Variants in SI observed in about 807,000 individuals in gnomAD.
SI encodes sucrase-isomaltase.
SI carries 235 observed loss-of-function variants against 253.3 expected under a neutral mutation model. That is an observed-to-expected ratio of 0.93 (90% CI 0.83 to 1.03). SI has a LOEUF of 1.03. SI is among the 50% of genes least tolerant of loss of function. The probability of loss-of-function intolerance (pLI) is 0.00; values close to 1 mark genes in which losing one functional copy is unlikely to be tolerated. For synonymous variants in SI, 819 were observed against 712.0 expected, an observed-to-expected ratio of 1.15 and a Z score of -2.39; for missense variants, 2,442 against 2,211.1, an observed-to-expected ratio of 1.10 and a Z score of -2.09.
In SI at chr3:165,062,487, CA is replaced by C; in HGVS notation, c.908-5del. The C allele has an allele frequency of 6.8e-7, 1 of 1,468,930 alleles. No homozygotes were observed. Among genetic ancestry groups the C allele is most frequent in the African/African-American group, 1.4e-5 (1 of 71,976 alleles). The allele number at this position is 1,468,930 out of a possible 1,614,324, so 91.0% of individuals were successfully genotyped here. A position where few individuals can be genotyped will look rare whatever the true frequency, so the allele number is the denominator to read the frequency against. The stretch of plus-strand genomic sequence containing the variant: ...GGAGTAGGCTGGATAAAAATCTCTG[CA>C]AAATAAAATTGGTAAACTTATATGT... On this transcript the variant is annotated splice_region_variant and splice_polypyrimidine_tract_variant and intron_variant, in intron 8 of 47. Transcript: ENST00000264382.
rs773304452 is a variant in SI, at chr3:165,065,322, A to G, written c.746T>C (p.Phe249Ser). ...YGIGEQVHKRFRHDLSWKTWP... is the reference protein window; with the variant it reads ...YGIGEQVHKRSRHDLSWKTWP... ...TGTTTTCCAGGATAAATCATGACGA[A>G]ATCTCTTATGAACTTGTTCTCCAAT... The change falls in exon 7 of 48, where the codon TTT becomes TCT. Residue 249 changes from phenylalanine to serine, a missense_variant. Phe to Ser is a radical substitution (Grantham distance 155). Coordinates refer to ENST00000264382, the MANE Select transcript of SI (RefSeq NM_001041.4). 6.2e-7 allele frequency: 1 copy of G among 1,608,238 alleles called. No homozygotes were observed. The highest frequency in any genetic ancestry group is 1.1e-5 in the South Asian group (1 of 90,838).
chr3:165,089,087 CTT>C, the SI span, among the ~76,000 whole-genome samples: 1 of 46,344 alleles, frequency 2.2e-5, no homozygotes, highest in Non-Finnish European at 4.6e-5. Flanking sequence ...TTTCTTTTTT[CTT>C]TTTTTTTTAA....
At position 165,017,689 on chromosome 3, in the gene SI, A is replaced by T; in HGVS notation, c.3634-16T>A. 1 of 1,611,662 alleles carries T rather than the reference A, an allele frequency of 6.2e-7. No individual in the cohort carries two copies. The highest frequency in any genetic ancestry group is 8.5e-7 in the Non-Finnish European group (1 of 1,178,270). On this transcript the variant is annotated splice_polypyrimidine_tract_variant and intron_variant, in intron 30 of 47. Transcript: ENST00000264382. ...GGCCAATTACCTTTAAAAAAAATTC[A>T]TGTGTGAACTAAGAGAATTACTTTA...
intron 6 of SI, 109 bp downstream of exon 6, chr3:165,067,231 A>G (rs1386564689): frequency 1.2e-6 from 1 of 810,780 alleles, no homozygotes; most frequent in African/African-American, 1.7e-5. Flanking sequence ...CTATCCACCT[A>G]CCCTCTTTTG....
intron 2 of SI, 26 bp downstream of exon 2, chr3:165,075,869 A>C: frequency 7.7e-7 from 1 of 1,295,696 alleles, no homozygotes; most frequent in Non-Finnish European, 1.1e-6. Context: ...ACGATAATGT[A>C]GCCATGCTTT....
intron 24 of SI, among the ~76,000 whole-genome samples, chr3:165,031,708 A>G: frequency 6.6e-6 from 1 of 150,864 alleles, no homozygotes; most frequent in Non-Finnish European, 1.5e-5. Flanking sequence ...ATTTATGGTA[A>G]TATTACTAAT....
intron 24 of SI, among the ~76,000 whole-genome samples, chr3:165,031,508 C>T (rs539153609): frequency 2.0e-5 from 3 of 149,648 alleles, no homozygotes; most frequent in Non-Finnish European, 4.5e-5. Context: ...GCTTGTATTA[C>T]TTAATTTATA....
intron 38 of SI, among the ~76,000 whole-genome samples, chr3:164,998,309 A>G (rs764262138): frequency 5.9e-5 from 9 of 151,776 alleles, no homozygotes; most frequent in Admixed American, 2.0e-4. Context: ...ACTCAGGCCA[A>G]TAACAATGAC....
At chr3:165,058,887 C>CACACAT (rs199590463) in intron 12 of SI, 76 bp downstream of exon 12, 21 of 1,224,530 alleles carry the variant, frequency 1.7e-5, no homozygotes, top group East Asian at 9.5e-5. Context: ...CACACACACA[C>CACACAT]GCACATCCAC....
chr3:165,033,303 G>A (rs1712345757), intron 23 of SI, 92 bp downstream of exon 23: 3 of 1,150,798 alleles, frequency 2.6e-6, no homozygotes, highest in Admixed American at 3.0e-5. Flanking sequence ...GTAGGCAAAT[G>A]TAAACATCTT....
At chr3:165,010,473 C>A (rs952595534) in intron 34 of SI, among the ~76,000 whole-genome samples, 6 of 152,048 alleles carry the variant, frequency 3.9e-5, no homozygotes, top group Admixed American at 6.6e-5. Flanking sequence ...TGATGAATAT[C>A]TTCAAGAGTA....
intron 26 of SI, among the ~76,000 whole-genome samples, chr3:165,022,535 T>TCACACACACACA (rs10686237): frequency 1.7e-4 from 24 of 137,934 alleles, no homozygotes; most frequent in African/African-American, 4.2e-4. Context: ...TTGTGCCATC[T>TCACACACACACA]CACACACACA....
rs970039038 is a variant in SI, at chr3:165,030,436, A to G, written c.2892+276T>C. ...ACACCAAGTAGAGTGTAACTCTCAG[A>G]CAGAGTATTATTTTTTTAAGTAAAG... On this transcript the variant is annotated intron_variant, in intron 25 of 47. Coordinates refer to ENST00000264382, the MANE Select transcript of SI (RefSeq NM_001041.4). 2.0e-5 allele frequency among the ~76,000 whole-genome samples: 3 copies of G among 151,092 alleles called. No homozygotes were observed. In the East Asian group the frequency reaches 5.8e-4, roughly 29 times the overall value.
chr3:165,036,508 T>C (rs768506548), intron 21 of SI, 31 bp from the exon 22 acceptor site: 2 of 1,440,056 alleles, frequency 1.4e-6, no homozygotes, highest in African/African-American at 2.8e-5. Flanking sequence ...CATATATGGT[T>C]AAAAATAAAT....
chr3:165,038,596 G>C (rs1193995973), intron 20 of SI, among the ~76,000 whole-genome samples: 1 of 151,138 alleles, frequency 6.6e-6, no homozygotes, highest in African/African-American at 2.4e-5. Flanking sequence ...AAAAGGTCTT[G>C]TTCAATTGAA....
At chr3:165,010,169 T>A (rs1184145978) in intron 34 of SI, among the ~76,000 whole-genome samples, 1 of 152,124 alleles carries the variant, frequency 6.6e-6, no homozygotes, top group Non-Finnish European at 1.5e-5. Flanking sequence ...GGATTTTGTT[T>A]TTTTTTTAAG....
rs1472425299 is a variant in SI at position 165,069,176 on chromosome 3, C to G, written c.275G>C (p.Gly92Ala). 1 of 1,611,378 alleles carries G rather than the reference C, an allele frequency of 6.2e-7. No individual in the cohort carries two copies. The highest frequency in any genetic ancestry group is 1.3e-5 in the African/African-American group (1 of 74,830). Residue 92 changes from glycine to alanine, a missense_variant, in exon 4 of 48, where the codon GGC (glycine) becomes GCC (alanine). Transcript: ENST00000264382. ...GTCATTCCACGGCCTCCAGCAGCAGCCTCTCTGTGCACAAATTCCCTGATA... is the reference window on the plus strand; with the variant it reads ...GTCATTCCACGGCCTCCAGCAGCAGGCTCTCTGTGCACAAATTCCCTGATA... ...FPTEGICAQR[G>A]CCWRPWNDSL...
chr3:165,084,098 G>C, the SI span, among the ~76,000 whole-genome samples: 2 of 151,962 alleles, frequency 1.3e-5, no homozygotes, highest in African/African-American at 4.8e-5. Context: ...AGGTCATTGA[G>C]ATGGAGCTCT....
chr3:164,991,780 G>A (rs926988369), intron 43 of SI, among the ~76,000 whole-genome samples: 3 of 151,912 alleles, frequency 2.0e-5, no homozygotes, highest in Non-Finnish European at 4.4e-5. Context: ...TTATAGCGTT[G>A]TTTTTGTGGA....
Sources: gnomAD v4.1 joint callset for allele counts (sites outside exome capture counted in the v4.1 genomes callset) on GRCh38, gnomAD v4.1.1 for gene constraint, MANE v1.5 for transcripts, NCBI Gene and HGNC (gene_info 2026-07-23, HGNC 2026-07-21) for gene names.